The following FAAH2 variants were observed in gnomAD, a reference collection of about 807,000 sequenced individuals.
The protein encoded by FAAH2 is fatty acid amide hydrolase 2, also known as fatty-acid amide hydrolase 2.
FAAH2 carries 60 observed loss-of-function variants against 36.9 expected under a neutral mutation model. The observed-to-expected ratio is 1.63, with a 90% confidence interval of 1.32 to 2.02. FAAH2 has a LOEUF of 2.02. Among genes scored for constraint, FAAH2 ranks in the 30% most tolerant of loss-of-function variants. FAAH2 has a pLI of 0.00. For missense variants in FAAH2, 689 were observed against 397.5 expected, an observed-to-expected ratio of 1.73 and a Z score of -6.23; for synonymous variants, 214 against 143.8, an observed-to-expected ratio of 1.49 and a Z score of -3.49.
chrX:57,331,133 A>G (rs750207663), intron 3 of FAAH2, among the ~76,000 whole-genome samples: 1 of 111,939 alleles, frequency 8.9e-6, no homozygotes, highest in South Asian at 3.7e-4. Flanking sequence ...GTGCTCCTCC[A>G]GATGTTCTGG....
At chrX:57,227,698 G>A in the FAAH2 span, among the ~76,000 whole-genome samples, 3 of 111,188 alleles carry the variant, frequency 2.7e-5, no homozygotes, top group African/African-American at 3.3e-5. Context: ...GGTGGATAGG[G>A]CCCTACAACT....
At chrX:57,479,094 A>C (rs986882041) in intron 10 of FAAH2, among the ~76,000 whole-genome samples, 26 of 111,600 alleles carry the variant, frequency 2.3e-4, no homozygotes, top group Non-Finnish European at 2.4e-4. Context: ...GGCCATTTTC[A>C]CGATATTGAT....
At chrX:57,307,009 A>ATATATATATATATATATATATG (rs1429030883) in intron 2 of FAAH2, among the ~76,000 whole-genome samples, 1 of 65,159 alleles carries the variant, frequency 1.5e-5, no homozygotes, top group Admixed American at 2.3e-4. Flanking sequence ...ATATATATAT[A>ATATATATATATATATATATATG]TATATATAGC....
chrX:57,273,061 G>A, the FAAH2 span, among the ~76,000 whole-genome samples: 4 of 112,003 alleles, frequency 3.6e-5, no homozygotes, highest in South Asian at 1.1e-3. Flanking sequence ...TAAAGGGATG[G>A]AGGGATACTT....
chrX:57,257,858 T>C, the FAAH2 span, among the ~76,000 whole-genome samples: 4 of 111,508 alleles, frequency 3.6e-5, no homozygotes, highest in African/African-American at 1.3e-4. Flanking sequence ...TTGTGGTTCA[T>C]GGATTAGTAA....
chrX:57,420,202 GCTCTTTTT>G (rs2055975837), intron 7 of FAAH2, among the ~76,000 whole-genome samples: 1 of 105,523 alleles, frequency 9.5e-6, no homozygotes, highest in Non-Finnish European at 1.9e-5. Flanking sequence ...GGCGATGTGG[GCTCTTTTT>G]TGGTTCCATA....
At chrX:57,378,549 A>G (rs2054747235) in intron 5 of FAAH2, 102 bp from the exon 6 acceptor site, 8 of 1,053,352 alleles carry the variant, frequency 7.6e-6, no homozygotes, top group Non-Finnish European at 1.0e-5. Flanking sequence ...AGTTTTAACC[A>G]GGAGAAAAAG....
chrX:57,281,307 G>A, the FAAH2 span, among the ~76,000 whole-genome samples: 22 of 111,578 alleles, frequency 2.0e-4, no homozygotes, highest in African/African-American at 4.6e-4. Flanking sequence ...TGCAAAATAA[G>A]CTTATTTGGT....
the FAAH2 span, among the ~76,000 whole-genome samples, chrX:57,200,104 G>A: frequency 5.4e-5 from 6 of 110,261 alleles, no homozygotes; most frequent in Admixed American, 3.9e-4. Flanking sequence ...TTATCAATAA[G>A]TAAGGATTTA....
chrX:57,252,261 G>A, the FAAH2 span, among the ~76,000 whole-genome samples: 3 of 112,835 alleles, frequency 2.7e-5, no homozygotes, highest in East Asian at 2.8e-4. Context: ...AGAGCCCACC[G>A]CAGCTCAGCA....
intron 3 of FAAH2, among the ~76,000 whole-genome samples, chrX:57,316,558 G>T (rs1303849954): frequency 9.0e-6 from 1 of 110,812 alleles, no homozygotes; most frequent in Non-Finnish European, 1.9e-5. Context: ...AGAAAACTCA[G>T]AAATAAAGTC....
At chrX:57,218,528 C>T in the FAAH2 span, among the ~76,000 whole-genome samples, 2 of 111,830 alleles carry the variant, frequency 1.8e-5, no homozygotes, top group South Asian at 7.6e-4. Flanking sequence ...TTTAACCACC[C>T]CTGCATCCCT....
Position 57,294,958 on chromosome X carries a change from A to T in FAAH2, c.275+2378A>T, listed in dbSNP as rs146160657. Among the ~76,000 whole-genome samples, 46 of 112,323 alleles carry T rather than the reference A, an allele frequency of 4.1e-4. No individual in the cohort carries two copies. In the East Asian group the frequency reaches 0.012, roughly 29 times the overall value. ...ACAAAAAAAAAGTAACACTGAAGTA[A>T]CACCAAGATGATAACTGCAGGAAAC... On this transcript the variant is annotated intron_variant, in intron 2 of 10. Coordinates refer to ENST00000374900, the MANE Select transcript of FAAH2 (RefSeq NM_174912.4).
At chrX:57,125,050 A>C in the FAAH2 span, among the ~76,000 whole-genome samples, 1 of 112,395 alleles carries the variant, frequency 8.9e-6, no homozygotes, top group Non-Finnish European at 1.9e-5. Context: ...TGTTGAATAG[A>C]AGTGGTGAGA....
intron 1 of FAAH2, 71 bp downstream of exon 1, chrX:57,287,088 G>T: frequency 9.7e-7 from 1 of 1,031,643 alleles, no homozygotes; most frequent in Non-Finnish European, 1.3e-6. Context: ...TAGTGGTGGC[G>T]GTGGTTGTGG....
chrX:57,258,965 C>T, the FAAH2 span, among the ~76,000 whole-genome samples: 1 of 109,631 alleles, frequency 9.1e-6, no homozygotes, highest in Non-Finnish European at 1.9e-5. Flanking sequence ...GTGGTCTGCC[C>T]GCCTCAGCCT....
chrX:57,157,921 C>G, the FAAH2 span, among the ~76,000 whole-genome samples: 4 of 110,117 alleles, frequency 3.6e-5, no homozygotes, highest in Admixed American at 3.9e-4. Context: ...CATATTTATA[C>G]AAGTGCCATG....
chrX:57,136,981 C>G, the FAAH2 span: 1 of 895,996 alleles, frequency 1.1e-6, no homozygotes, highest in African/African-American at 2.1e-5. Flanking sequence ...CTGGTGCTGT[C>G]TGTAACCCCC....
At chrX:57,226,040 A>G in the FAAH2 span, among the ~76,000 whole-genome samples, 1 of 111,969 alleles carries the variant, frequency 8.9e-6, no homozygotes, top group Non-Finnish European at 1.9e-5. Flanking sequence ...TTTTTGTGTT[A>G]GGTGAGTCTC....
Sources: allele counts gnomAD v4.1 joint callset (sites outside exome capture counted in the v4.1 genomes callset), GRCh38; gene constraint gnomAD v4.1.1; transcripts MANE v1.5; gene names NCBI Gene and HGNC (gene_info 2026-07-23, HGNC 2026-07-21).